The following FRMD4A variants were observed in gnomAD, a reference collection of about 807,000 sequenced individuals.
The protein encoded by FRMD4A is FERM domain containing 4A, also known as FERM domain-containing protein 4A.
In FRMD4A, 29 loss-of-function variants were observed where a neutral mutation model predicts 129.1. The ratio of observed to expected loss-of-function variants is 0.22; its 90% CI spans 0.17 to 0.31. The LOEUF is 0.31. FRMD4A is among the 10% of genes least tolerant of loss of function. FRMD4A has a pLI of 1.00. For missense variants in FRMD4A, 1,272 were observed against 1,375.8 expected (o/e 0.92, Z 1.19); for synonymous variants, 634 against 571.6 (o/e 1.11, Z -1.56).
chr10:14,114,803 G>A (rs1319901824), intron 2 of FRMD4A, among the ~76,000 whole-genome samples: 1 of 152,198 alleles, frequency 6.6e-6, no homozygotes, highest in Non-Finnish European at 1.5e-5. Flanking sequence ...GAATCCTGCA[G>A]ATCCGCTGGT....
At chr10:14,299,209 T>A (rs755517862) in intron 2 of FRMD4A, among the ~76,000 whole-genome samples, 4 of 152,190 alleles carry the variant, frequency 2.6e-5, no homozygotes, top group Admixed American at 1.3e-4. Flanking sequence ...GGAAAACTTC[T>A]TGTCAAAGTG....
intron 2 of FRMD4A, among the ~76,000 whole-genome samples, chr10:14,046,379 A>G (rs945205604): frequency 1.3e-5 from 2 of 152,156 alleles, no homozygotes; most frequent in Non-Finnish European, 2.9e-5. Context: ...AAAAGGAGCC[A>G]CTATTTTCTT....
chr10:14,182,716 C>T (rs893973136), intron 2 of FRMD4A, among the ~76,000 whole-genome samples: 10 of 152,154 alleles, frequency 6.6e-5, no homozygotes, highest in African/African-American at 2.2e-4. Flanking sequence ...AAGGCAGGTT[C>T]GACCGGGGGC....
intron 2 of FRMD4A, among the ~76,000 whole-genome samples, chr10:14,223,388 G>T (rs1331566953): frequency 6.6e-6 from 1 of 152,096 alleles, no homozygotes; most frequent in Non-Finnish European, 1.5e-5. Flanking sequence ...TCTCTAGAAG[G>T]CAACAGACTA....
chr10:14,189,870 C>T (rs79946636), intron 2 of FRMD4A, among the ~76,000 whole-genome samples: 6,599 of 152,154 alleles, frequency 0.043, 234 homozygotes, highest in Non-Finnish European at 0.067. Flanking sequence ...TTTGAGTCGG[C>T]CTCAGTAGGA....
intron 2 of FRMD4A, among the ~76,000 whole-genome samples, chr10:13,982,502 G>GGGGT (rs2095565859): frequency 1.8e-5 from 2 of 110,492 alleles, no homozygotes; most frequent in African/African-American, 4.1e-5. Context: ...AGGGGAGGGG[G>GGGGT]GGGAAGGGAT....
At chr10:14,292,587 C>G (rs1845882569) in intron 2 of FRMD4A, among the ~76,000 whole-genome samples, 1 of 152,196 alleles carries the variant, frequency 6.6e-6, no homozygotes. Flanking sequence ...ATCATGAGGT[C>G]AGGAGATTGA....
At chr10:13,833,558 G>T (rs2093823574) in intron 3 of FRMD4A, among the ~76,000 whole-genome samples, 3 of 152,262 alleles carry the variant, frequency 2.0e-5, no homozygotes, top group East Asian at 3.9e-4. Flanking sequence ...GTGCCCGGTG[G>T]TTAAGGGCCC....
intron 2 of FRMD4A, among the ~76,000 whole-genome samples, chr10:14,306,187 A>C (rs1846345549): frequency 6.6e-6 from 1 of 152,258 alleles, no homozygotes; most frequent in Non-Finnish European, 1.5e-5. Context: ...AAAAGAAAGA[A>C]ATTCTCTGTT....
chr10:13,783,061 G>A (rs2092775319), intron 5 of FRMD4A, 55 bp from the exon 6 acceptor site: 2 of 782,404 alleles, frequency 2.6e-6, no homozygotes, highest in Admixed American at 1.7e-5. Flanking sequence ...AGAAAATAAA[G>A]TGCTCTCTTG....
At chr10:13,676,348 G>T (rs564298518) in intron 15 of FRMD4A, among the ~76,000 whole-genome samples, 3 of 151,128 alleles carry the variant, frequency 2.0e-5, no homozygotes, top group South Asian at 2.1e-4. Context: ...TGCAACCTCC[G>T]CCTCCTAGGT....
intron 19 of FRMD4A, among the ~76,000 whole-genome samples, chr10:13,661,048 G>C (rs558512314): frequency 4.2e-4 from 64 of 152,326 alleles, no homozygotes; most frequent in African/African-American, 1.3e-3. Context: ...AAAAATGAAT[G>C]AGGGTCTATA....
chr10:13,701,178 G>A (rs1028347206), intron 14 of FRMD4A, among the ~76,000 whole-genome samples, 162 bp downstream of exon 14: 1 of 152,064 alleles, frequency 6.6e-6, no homozygotes, highest in Admixed American at 6.6e-5. Context: ...TGAAGAGCTA[G>A]TCTCATCCCT....
At chr10:14,174,246 C>T (rs1398708578) in intron 2 of FRMD4A, among the ~76,000 whole-genome samples, 2 of 152,042 alleles carry the variant, frequency 1.3e-5, no homozygotes, top group African/African-American at 2.4e-5. Flanking sequence ...CTGCTCCTCT[C>T]CTCGCCCTGG....
intron 2 of FRMD4A, among the ~76,000 whole-genome samples, chr10:14,217,426 T>G (rs1843108801): frequency 6.6e-6 from 1 of 152,212 alleles, no homozygotes; most frequent in Non-Finnish European, 1.5e-5. Context: ...ATGTGATGGT[T>G]TGATAAGGGG....
chr10:14,156,551 G>T (rs375265864), intron 2 of FRMD4A, among the ~76,000 whole-genome samples: 2 of 152,284 alleles, frequency 1.3e-5, no homozygotes, highest in African/African-American at 4.8e-5. Flanking sequence ...ACCCCTGGGA[G>T]GGGAGAGGGA....
At chr10:14,078,550 C>T (rs769485802) in intron 2 of FRMD4A, among the ~76,000 whole-genome samples, 3 of 152,244 alleles carry the variant, frequency 2.0e-5, no homozygotes, top group Non-Finnish European at 4.4e-5. Flanking sequence ...CAGTAAGTTA[C>T]TGAGCACCTA....
intron 2 of FRMD4A, among the ~76,000 whole-genome samples, chr10:14,002,928 CG>C (rs2095647711): frequency 3.9e-5 from 6 of 152,080 alleles, no homozygotes; most frequent in African/African-American, 1.4e-4. Flanking sequence ...AACATGTCCA[CG>C]CATGGTTGGA....
chr10:14,212,878 G>C (rs896945861), intron 2 of FRMD4A, among the ~76,000 whole-genome samples: 2 of 152,214 alleles, frequency 1.3e-5, no homozygotes, highest in African/African-American at 4.8e-5. Flanking sequence ...AAGTGGAGTA[G>C]ATTTCCCTCA....
Sources: gnomAD v4.1 joint callset for allele counts (sites outside exome capture counted in the v4.1 genomes callset) on GRCh38, gnomAD v4.1.1 for gene constraint, MANE v1.5 for transcripts, NCBI Gene and HGNC (gene_info 2026-07-23, HGNC 2026-07-21) for gene names.